CC2D1A: variants seen among roughly 807,000 people sequenced by gnomAD.
CC2D1A encodes coiled-coil and C2 domain-containing protein 1A.
In CC2D1A, 68 loss-of-function variants were observed where a neutral mutation model predicts 123.8. That is an observed-to-expected ratio of 0.55 (90% CI 0.45 to 0.67). The LOEUF (loss-of-function observed/expected upper bound fraction) is 0.67, where lower values mean the gene tolerates loss of function less well. CC2D1A is among the 30% of genes least tolerant of loss of function. The pLI is 0.00. For missense variants in CC2D1A, 1,185 were observed against 1,290.3 expected, an observed-to-expected ratio of 0.92 and a Z score of 1.25; for synonymous variants, 477 against 528.0, an observed-to-expected ratio of 0.90 and a Z score of 1.32.
In CC2D1A at chr19:13,927,942, G is replaced by A. The variant is rs201236023; in HGVS notation, c.2366G>A (p.Arg789Gln). The change falls in exon 23 of 29, where the codon CGG (arginine) becomes CAG (glutamine). Residue 789 changes from arginine (R) to glutamine (Q), a missense_variant. Physicochemically the swap from Arg to Gln is conservative, Grantham distance 43. Coordinates refer to ENST00000318003, the MANE Select transcript of CC2D1A (RefSeq NM_017721.5). ...GGGGGGCGACTGGAGGTAATGGTCC[G>A]GATTCGGGAGCCACTGACAGCCCAG... Reference protein sequence around the residue: ...PTGGRLEVMVRIREPLTAQQL... With the variant: ...PTGGRLEVMVQIREPLTAQQL... The A allele has an allele frequency of 4.0e-5, 64 of 1,613,554 alleles. No homozygotes were observed. Among genetic ancestry groups the A allele is most frequent in the Non-Finnish European group, 4.4e-5 (52 of 1,179,878 alleles).
chr19:13,917,329 G>A (rs190276451), intron 6 of CC2D1A, among the ~76,000 whole-genome samples: 49 of 152,100 alleles, frequency 3.2e-4, no homozygotes, highest in Admixed American at 7.9e-4. Flanking sequence ...AAAACCAGCC[G>A]GGCATGCAGG....
Position 13,923,360 on chromosome 19 carries a change from G to A in CC2D1A, c.1669G>A (p.Asp557Asn), listed in dbSNP as rs376413698. 3.4e-5 allele frequency: 55 copies of A among 1,610,628 alleles called. No homozygotes were observed. In the South Asian group the frequency reaches 4.9e-4, roughly 14 times the overall value. ...GCCGCCTGCCCCTGTCAACAAGGAC[G>A]ACTTTGCCCTGGTCCAGCGGCCTGG... Reference protein sequence around the residue: ...KVPPAPVNKDDFALVQRPGPG... With the variant: ...KVPPAPVNKDNFALVQRPGPG... Residue 557 changes from aspartate to asparagine, a missense_variant, in exon 15 of 29, where the codon GAC becomes AAC. Coordinates refer to ENST00000318003, the MANE Select transcript of CC2D1A (RefSeq NM_017721.5). The surrounding 1 kb of genome is among the most constrained non-coding windows in gnomAD (Gnocchi z 5.3).
chr19:13,906,544 C>T lies in CC2D1A; in HGVS notation c.60+43C>T, dbSNP rs751482338. On this transcript the variant is annotated intron_variant, in intron 1 of 28. Coordinates refer to ENST00000318003, the MANE Select transcript of CC2D1A (RefSeq NM_017721.5). This position sits in a 1 kb window ranked among gnomAD's most constrained non-coding sequence, Gnocchi z 4.1. ...GGCCCGACCTGGGGATCCCTCCCCA[C>T]CCCCGTCACTCGCTCAGGGAAGGGC... 1.3e-5 allele frequency: 18 copies of T among 1,342,878 alleles called. No individual in the cohort carries two copies. The highest frequency in any genetic ancestry group is 3.0e-5 in the East Asian group (1 of 33,026). The allele number at this position is 1,342,878 out of a possible 1,614,324, so 83.2% of individuals were successfully genotyped here.
chr19:13,929,665 G>A lies in CC2D1A; in HGVS notation c.2710+5G>A. The A allele has an allele frequency of 1.3e-6, 2 of 1,535,148 alleles. No homozygotes were observed. The highest frequency in any genetic ancestry group is 1.7e-6 in the Non-Finnish European group (2 of 1,143,532). The stretch of plus-strand genomic sequence containing the variant: ...GGGGTGTGGGCATCCGACGGGGTAG[G>A]GGTTTGGAGATGGGCATCTGGTGGG... On this transcript the variant is annotated splice_donor_5th_base_variant and intron_variant, in intron 26 of 28. Coordinates refer to ENST00000318003, the MANE Select transcript of CC2D1A (RefSeq NM_017721.5).
chr19:13,925,949 TATATATATATACAC>T (rs1465704474), intron 17 of CC2D1A, among the ~76,000 whole-genome samples: 37 of 134,208 alleles, frequency 2.8e-4, no homozygotes, highest in African/African-American at 1.1e-3. Context: ...TATATATATA[TATATATATATACAC>T]GTATATATAT....
intron 14 of CC2D1A, among the ~76,000 whole-genome samples, chr19:13,921,449 G>C (rs111340568): frequency 1.1e-3 from 173 of 152,304 alleles, no homozygotes; most frequent in African/African-American, 4.0e-3. Context: ...ACTTAGGACA[G>C]GACCATTCCT....
Position 13,927,960 on chromosome 19 carries a change from C to A in CC2D1A, c.2384C>A (p.Thr795Lys). The A allele has an allele frequency of 6.2e-7, 1 of 1,613,680 alleles. No individual in the cohort carries two copies. The highest frequency in any genetic ancestry group is 2.2e-5 in the East Asian group (1 of 44,888). The part of the protein sequence containing the change: ...EVMVRIREPL[T>K]AQQLETTTER... ...ATGGTCCGGATTCGGGAGCCACTGA[C>A]AGCCCAGCAGTTGGAGACGACGACA... The change falls in exon 23 of 29, where the codon ACA becomes AAA. Residue 795 changes from threonine to lysine, a missense_variant. Physicochemically the swap from Thr to Lys is moderately conservative, Grantham distance 78. Coordinates refer to ENST00000318003, the MANE Select transcript of CC2D1A (RefSeq NM_017721.5).
In CC2D1A at chr19:13,929,428, C is replaced by T. The variant is rs1212503801; in HGVS notation, c.2569C>T (p.Arg857Cys). The T allele has an allele frequency of 1.2e-6, 2 of 1,613,242 alleles. No individual in the cohort carries two copies. Among genetic ancestry groups the T allele is most frequent in the East Asian group, 2.2e-5 (1 of 44,750 alleles). ...SLSVLAFDQE[R>C]LERKILALRQ... Reference sequence around the variant, plus strand: ...CAGTGTGCTGGCGTTTGACCAAGAGCGTCTGGAGCGGAAGGTGGGTATCCA... The same window carrying T: ...CAGTGTGCTGGCGTTTGACCAAGAGTGTCTGGAGCGGAAGGTGGGTATCCA... Residue 857 changes from arginine (R) to cysteine (C), a missense_variant, in exon 25 of 29, where the codon CGT (arginine) becomes TGT (cysteine). Physicochemically the swap from Arg to Cys is radical, Grantham distance 180. Coordinates refer to ENST00000318003, the MANE Select transcript of CC2D1A (RefSeq NM_017721.5).
intron 12 of CC2D1A, 135 bp downstream of exon 12, chr19:13,920,086 A>G (rs931178703): frequency 1.3e-5 from 12 of 938,100 alleles, no homozygotes; most frequent in African/African-American, 5.1e-5. Context: ...CGTCTCTACA[A>G]AAAAATTTTT....
At chr19:13,911,401 A>G (rs936670980) in intron 2 of CC2D1A, among the ~76,000 whole-genome samples, 3 of 152,184 alleles carry the variant, frequency 2.0e-5, no homozygotes, top group South Asian at 4.1e-4. Context: ...CTCTGCTCCA[A>G]CCTACCTATG....
At chr19:13,919,103 C>T in intron 10 of CC2D1A, 27 bp from the exon 11 acceptor site, 10 of 1,604,592 alleles carry the variant, frequency 6.2e-6, no homozygotes, top group African/African-American at 1.3e-5. Flanking sequence ...CTCCCACAGG[C>T]AGCCCTAACA....
intron 17 of CC2D1A, among the ~76,000 whole-genome samples, chr19:13,926,296 A>C (rs1204666901): frequency 6.6e-6 from 1 of 152,016 alleles, no homozygotes. Context: ...AAATAAATAT[A>C]CACAGACTGA....
intron 12 of CC2D1A, 75 bp downstream of exon 12, chr19:13,920,026 C>A (rs949108516): frequency 2.1e-6 from 3 of 1,427,998 alleles, no homozygotes; most frequent in Non-Finnish European, 2.9e-6. Flanking sequence ...ATGGGAGGAT[C>A]GCTTGAGGCC....
chr19:13,928,533 G>C (rs1306996944), intron 24 of CC2D1A, among the ~76,000 whole-genome samples: 1 of 151,596 alleles, frequency 6.6e-6, no homozygotes, highest in Non-Finnish European at 1.5e-5. Context: ...GCCCACCTCT[G>C]ATTCCTTCTT....
intron 24 of CC2D1A, among the ~76,000 whole-genome samples, chr19:13,928,876 T>C (rs1442021397): frequency 6.6e-6 from 1 of 151,818 alleles, no homozygotes; most frequent in Non-Finnish European, 1.5e-5. Context: ...ACCCAGCTAA[T>C]TTTTCTATTT....
rs1042172912 is a variant in CC2D1A, at chr19:13,912,382, G to A, written c.256G>A (p.Glu86Lys). Residue 86 changes from glutamate (E) to lysine (K), a missense_variant, in exon 3 of 29, where the codon GAG becomes AAG. Coordinates refer to ENST00000318003, the MANE Select transcript of CC2D1A (RefSeq NM_017721.5). ...MASLCMRDPD[E>K]DEEEGTDEDD... ...CAGCCTGTGCATGAGAGACCCGGATGAGGATGAGGAGGAGGGGACGGATGA... is the reference window on the plus strand; with the variant it reads ...CAGCCTGTGCATGAGAGACCCGGATAAGGATGAGGAGGAGGGGACGGATGA... 3 of 1,613,496 alleles carry A rather than the reference G, an allele frequency of 1.9e-6. No homozygotes were observed. The highest frequency in any genetic ancestry group is 2.2e-5 in the South Asian group (2 of 90,974).
chr19:13,909,301 C>A (rs925735791), intron 1 of CC2D1A, among the ~76,000 whole-genome samples: 2 of 151,662 alleles, frequency 1.3e-5, no homozygotes, highest in African/African-American at 4.8e-5. Context: ...GCATGAACCC[C>A]GGAGGCGGAG....
intron 22 of CC2D1A, 164 bp downstream of exon 22, chr19:13,927,429 AC>A (rs1000348913): frequency 9.7e-6 from 6 of 618,144 alleles, no homozygotes; most frequent in African/African-American, 1.8e-5. Flanking sequence ...TACTTGCAGT[AC>A]CCCACTCCAT....
chr19:13,928,016 G>A lies in CC2D1A; in HGVS notation c.2440G>A (p.Ala814Thr), dbSNP rs56359259. 1 of 1,613,628 alleles carries A rather than the reference G, an allele frequency of 6.2e-7. No individual in the cohort carries two copies. Among genetic ancestry groups the A allele is most frequent in the Non-Finnish European group, 8.5e-7 (1 of 1,179,840 alleles). ...GTGGCTGGTCATTGACCCTGTGCCGGCAGCTGTGCCCACAGTGAGACCCCC... is the reference window on the plus strand; with the variant it reads ...GTGGCTGGTCATTGACCCTGTGCCGACAGCTGTGCCCACAGTGAGACCCCC... ...ERWLVIDPVP[A>T]AVPTQVAGPK... Residue 814 changes from alanine (A) to threonine (T), a missense_variant, in exon 23 of 29, where the codon GCA becomes ACA. Physicochemically the swap from Ala to Thr is moderately conservative, Grantham distance 58. Transcript: ENST00000318003.
Sources: allele counts gnomAD v4.1 joint callset (sites outside exome capture counted in the v4.1 genomes callset), GRCh38; gene constraint gnomAD v4.1.1; non-coding constraint Gnocchi (gnomAD v3.1); transcripts MANE v1.5; gene names NCBI Gene and HGNC (gene_info 2026-07-23, HGNC 2026-07-21).